The following CALCRL variants were observed in gnomAD, a reference collection of about 807,000 sequenced individuals.
CALCRL encodes calcitonin receptor like receptor, also known as calcitonin gene-related peptide type 1 receptor.
A neutral mutation model predicts 60.4 loss-of-function variants in CALCRL; 27 were observed. The observed-to-expected ratio is 0.45, with a 90% CI of 0.33 to 0.62. The LOEUF (loss-of-function observed/expected upper bound fraction) is 0.62. CALCRL is among the 20% of genes least tolerant of loss of function. The pLI is 0.03. For missense variants in CALCRL, 424 were observed against 540.7 expected (o/e 0.78, Z 2.14); for synonymous variants, 190 against 182.6 (o/e 1.04, Z -0.33).
rs867797192 is a variant in CALCRL, at chr2:187,415,849, C to A, written c.-292-28093G>T. On this transcript the variant is annotated intron_variant, in intron 1 of 14. Coordinates refer to ENST00000392370, the MANE Select transcript of CALCRL (RefSeq NM_005795.6). ...TCCACATGGCCTCCAGAAAGTAAGACCCCTGCACCACCAGCCCCAGCAAGA... is the reference window on the plus strand; with the variant it reads ...TCCACATGGCCTCCAGAAAGTAAGAACCCTGCACCACCAGCCCCAGCAAGA... The A allele has an allele frequency of 1.7e-5, 6 of 353,326 alleles. No homozygotes were observed. In the East Asian group the frequency reaches 3.2e-4, roughly 19 times the overall value. The allele number at this position is 353,326 out of a possible 1,614,324, so 21.9% of individuals were successfully genotyped here. A position where few individuals can be genotyped will look rare whatever the true frequency, so the allele number is the denominator to read the frequency against.
chr2:187,419,518 A>T (rs1453037329), intron 1 of CALCRL, among the ~76,000 whole-genome samples: 1 of 152,202 alleles, frequency 6.6e-6, no homozygotes, highest in Non-Finnish European at 1.5e-5. Context: ...TATGGCTTTC[A>T]TTATGGCAGC....
chr2:187,424,011 G>A (rs75153255), intron 1 of CALCRL, among the ~76,000 whole-genome samples: 3,599 of 152,070 alleles, frequency 0.024, 148 homozygotes, highest in African/African-American at 0.083. Flanking sequence ...GGGAATCGCT[G>A]GTTAGGTGTT....
intron 1 of CALCRL, among the ~76,000 whole-genome samples, chr2:187,416,523 T>C (rs1054331588): frequency 1.3e-5 from 2 of 151,942 alleles, no homozygotes; most frequent in African/African-American, 4.8e-5. Flanking sequence ...AATAAAAATA[T>C]TGGGAAATGT....
intron 1 of CALCRL, among the ~76,000 whole-genome samples, chr2:187,413,396 A>G (rs1689451477): frequency 6.6e-6 from 1 of 152,184 alleles, no homozygotes; most frequent in South Asian, 2.1e-4. Context: ...CTTGTAAGTG[A>G]ATCACTATTT....
At chr2:187,421,775 A>G (rs1343879107) in intron 1 of CALCRL, among the ~76,000 whole-genome samples, 1 of 152,200 alleles carries the variant, frequency 6.6e-6, no homozygotes, top group Non-Finnish European at 1.5e-5. Context: ...AGCTGTCTAG[A>G]AGCTCCAAAC....
Position 187,386,808 on chromosome 2 carries a change from T to A in CALCRL, c.-37+521A>T, listed in dbSNP as rs75329318. Among the ~76,000 whole-genome samples, 906 of 152,296 alleles carry A rather than the reference T, an allele frequency of 5.9e-3. 17 individuals carry two copies. The highest frequency in any genetic ancestry group is 0.039 in the East Asian group (204 of 5,186). On this transcript the variant is annotated intron_variant, in intron 3 of 14. Transcript: ENST00000392370. ...GACCCAGTGGGAGATAAATGAATCA[T>A]GGAGGTGGGTCTTTCCACTGCTGTT...
At chr2:187,441,227 T>C (rs1260423706) in intron 1 of CALCRL, among the ~76,000 whole-genome samples, 1 of 152,098 alleles carries the variant, frequency 6.6e-6, no homozygotes, top group Non-Finnish European at 1.5e-5. Context: ...TCAGGTTTTT[T>C]GATGTTTCAT....
intron 10 of CALCRL, 22 bp from the exon 11 acceptor site, chr2:187,359,294 AAAAT>A (rs1429609707): frequency 3.0e-5 from 44 of 1,469,642 alleles, no homozygotes; most frequent in East Asian, 5.0e-5. Context: ...AAAAAAAAAG[AAAAT>A]AAATAGGCAT....
At position 187,342,035 on chromosome 2, in the gene CALCRL, A is replaced by G. The variant is rs998725978; in HGVS notation, c.*4149T>C. On this transcript the variant is annotated 3_prime_UTR_variant, in exon 15 of 15. Coordinates refer to ENST00000392370, the MANE Select transcript of CALCRL (RefSeq NM_005795.6). ...AACATATCCATCAACAGACAAATGA[A>G]TAAATAAAATGTGGTATGTTCACCC... 2.0e-5 allele frequency among the ~76,000 whole-genome samples: 3 copies of G among 151,974 alleles called. No individual in the cohort carries two copies. The highest frequency in any genetic ancestry group is 4.4e-5 in the Non-Finnish European group (3 of 67,858).
chr2:187,348,814 G>A (rs10174402), intron 14 of CALCRL, among the ~76,000 whole-genome samples: 5,874 of 151,476 alleles, frequency 0.039, 363 homozygotes, highest in African/African-American at 0.13. Context: ...TGTTAAATAC[G>A]ACATTAAAGC....
intron 1 of CALCRL, chr2:187,431,258 T>C (rs889826265): frequency 6.5e-6 from 1 of 154,892 alleles, no homozygotes; most frequent in Non-Finnish European, 1.5e-5. Context: ...ATGTTACTTT[T>C]ATTAGGTCAT....
intron 1 of CALCRL, among the ~76,000 whole-genome samples, chr2:187,411,978 CAAAAAAAAAAAA>C (rs56075258): frequency 3.3e-5 from 2 of 61,474 alleles, no homozygotes; most frequent in African/African-American, 5.9e-5. Flanking sequence ...GACTCTGTCT[CAAAAAAAAAAAA>C]AAAAAAAAAA....
chr2:187,383,001 G>A (rs1372235535), intron 5 of CALCRL, among the ~76,000 whole-genome samples, 172 bp downstream of exon 5: 1 of 151,978 alleles, frequency 6.6e-6, no homozygotes, highest in East Asian at 1.9e-4. Context: ...TTTAAAAAGC[G>A]ATATAACATG....
intron 1 of CALCRL, among the ~76,000 whole-genome samples, chr2:187,397,784 G>A (rs1037245753): frequency 2.0e-5 from 3 of 151,580 alleles, no homozygotes; most frequent in African/African-American, 7.3e-5. Flanking sequence ...TTATAAGTCA[G>A]AACATACAGT....
intron 1 of CALCRL, among the ~76,000 whole-genome samples, chr2:187,439,299 A>G (rs1359031941): frequency 4.6e-5 from 7 of 152,128 alleles, no homozygotes; most frequent in African/African-American, 1.7e-4. Flanking sequence ...CCTGGCCAAC[A>G]TGGCGAAATC....
intron 1 of CALCRL, among the ~76,000 whole-genome samples, chr2:187,402,181 T>C (rs1330504413): frequency 6.6e-6 from 1 of 151,760 alleles, no homozygotes; most frequent in Non-Finnish European, 1.5e-5. Context: ...TTTTACTATA[T>C]TAATACATTC....
Position 187,380,573 on chromosome 2 carries a change from A to G in CALCRL, c.302T>C (p.Val101Ala). 6.2e-7 allele frequency: 1 copy of G among 1,610,532 alleles called. No individual in the cohort carries two copies. Among genetic ancestry groups the G allele is most frequent in the Non-Finnish European group, 8.5e-7 (1 of 1,177,446 alleles). Residue 101 changes from valine to alanine, a missense_variant, in exon 7 of 15, where the codon GTT (valine) becomes GCT (alanine). Val to Ala is a moderately conservative substitution (Grantham distance 64). Transcript: ENST00000392370. The part of the protein sequence containing the change: ...YFQDFDPSEK[V>A]TKICDQDGNW... Reference sequence around the variant, plus strand: ...TCCATCTTGGTCACAGATCTTTGTAACTTTTTCTTTAAAATTAAAAAAAAA... The same window carrying G: ...TCCATCTTGGTCACAGATCTTTGTAGCTTTTTCTTTAAAATTAAAAAAAAA...
intron 1 of CALCRL, among the ~76,000 whole-genome samples, chr2:187,414,578 A>C (rs1420346873): frequency 6.6e-6 from 1 of 152,182 alleles, no homozygotes; most frequent in Non-Finnish European, 1.5e-5. Flanking sequence ...GCCTAAACTC[A>C]AAGTATATAT....
chr2:187,381,505 G>A (rs989676020), intron 5 of CALCRL, among the ~76,000 whole-genome samples: 5 of 151,914 alleles, frequency 3.3e-5, no homozygotes, highest in Non-Finnish European at 7.4e-5. Context: ...TCGCCAGCTG[G>A]AGTGCAGTGG....
Sources: gnomAD v4.1 joint callset for allele counts (sites outside exome capture counted in the v4.1 genomes callset) on GRCh38, gnomAD v4.1.1 for gene constraint, MANE v1.5 for transcripts, NCBI Gene and HGNC (gene_info 2026-07-23, HGNC 2026-07-21) for gene names.